Variants in ULK4 observed in about 807,000 individuals in gnomAD.
ULK4 encodes the protein inactive serine/threonine-protein kinase ULK4.
In ULK4, 133 loss-of-function variants were observed where a neutral mutation model predicts 160.6. The ratio of observed to expected loss-of-function variants is 0.83; its 90% CI spans 0.72 to 0.96. ULK4 has a LOEUF of 0.96. Ranked by LOEUF, ULK4 falls within the 40% of genes least tolerant of loss-of-function variation. ULK4 has a pLI of 0.00. For missense variants in ULK4, 1,580 were observed against 1,499.5 expected, an observed-to-expected ratio of 1.05 and a Z score of -0.89; for synonymous variants, 534 against 539.8, an observed-to-expected ratio of 0.99 and a Z score of 0.15.
intron 31 of ULK4, among the ~76,000 whole-genome samples, chr3:41,571,607 G>C (rs1190124551): frequency 2.0e-5 from 3 of 152,124 alleles, no homozygotes; most frequent in Non-Finnish European, 2.9e-5. Context: ...CTGGAAGACT[G>C]GTGGAAAGAG....
chr3:41,847,349 T>C (rs947651255), intron 17 of ULK4, among the ~76,000 whole-genome samples: 3 of 152,238 alleles, frequency 2.0e-5, no homozygotes, highest in Admixed American at 6.5e-5. Context: ...CAAAATATAG[T>C]TGTTAAACTT....
At chr3:41,606,193 C>A (rs1039222296) in intron 31 of ULK4, among the ~76,000 whole-genome samples, 1 of 151,562 alleles carries the variant, frequency 6.6e-6, no homozygotes, top group African/African-American at 2.4e-5. Flanking sequence ...AAGGAAAAGT[C>A]AGAATAAGAG....
rs1270883830 is a variant in ULK4 at position 41,279,266 on chromosome 3, A to AC, written c.3679-29693_3679-29692insG. Among the ~76,000 whole-genome samples the AC allele has an allele frequency of 4.0e-4, 58 of 143,970 alleles. 1 individual carries two copies. In the South Asian group the frequency reaches 0.01, roughly 25 times the overall value. The allele number at this position is 143,970 out of a possible 152,430, so 94.4% of individuals were successfully genotyped here. On this transcript the variant is annotated intron_variant, in intron 35 of 36. Transcript: ENST00000301831. ...AGAGAAAAAAAGAGTAAAAAAAAAA[A>AC]AAAAAAAAACAAAACGACAAAGCCT...
chr3:41,471,011 C>A (rs957241423), intron 32 of ULK4, among the ~76,000 whole-genome samples: 1 of 151,912 alleles, frequency 6.6e-6, no homozygotes, highest in Non-Finnish European at 1.5e-5. Context: ...AATTCTCCAA[C>A]AAAAAGACAT....
intron 17 of ULK4, among the ~76,000 whole-genome samples, chr3:41,872,820 G>A (rs998668457): frequency 6.6e-6 from 1 of 151,986 alleles, no homozygotes; most frequent in African/African-American, 2.4e-5. Flanking sequence ...AAAATTATAT[G>A]TAAGACTTTT....
At chr3:41,527,893 T>C (rs1021761134) in intron 32 of ULK4, among the ~76,000 whole-genome samples, 1 of 152,262 alleles carries the variant, frequency 6.6e-6, no homozygotes, top group Non-Finnish European at 1.5e-5. Context: ...AATAGTTTTA[T>C]AATATTTCCT....
At chr3:41,932,563 G>C (rs1413917501) in intron 4 of ULK4, among the ~76,000 whole-genome samples, 1 of 152,208 alleles carries the variant, frequency 6.6e-6, no homozygotes. Flanking sequence ...TCGAAGTTAT[G>C]CAAGTAAAGG....
chr3:41,869,777 A>G (rs1274528676), intron 17 of ULK4, among the ~76,000 whole-genome samples: 5 of 152,168 alleles, frequency 3.3e-5, no homozygotes, highest in African/African-American at 1.2e-4. Flanking sequence ...GTTATGAAAA[A>G]TTGTTTATTT....
At position 41,847,220 on chromosome 3, in the gene ULK4, A is replaced by G. The variant is rs557304981; in HGVS notation, c.1657-11249T>C. ...TCATATGCCCTGGACTGCAACTCTT[A>G]AGAAAAATACAGGAAGATGATGAAT... On this transcript the variant is annotated intron_variant, in intron 17 of 36. Transcript: ENST00000301831. 2.6e-5 allele frequency among the ~76,000 whole-genome samples: 4 copies of G among 152,296 alleles called. No homozygotes were observed. In the South Asian group the frequency reaches 8.3e-4, roughly 32 times the overall value.
At chr3:41,533,342 T>C (rs2086386588) in intron 32 of ULK4, among the ~76,000 whole-genome samples, 1 of 152,214 alleles carries the variant, frequency 6.6e-6, no homozygotes, top group African/African-American at 2.4e-5. Context: ...AATCCTTAGA[T>C]TTTCCCTTTT....
intron 17 of ULK4, among the ~76,000 whole-genome samples, chr3:41,838,348 T>C (rs1369741810): frequency 6.6e-6 from 1 of 152,086 alleles, no homozygotes; most frequent in Non-Finnish European, 1.5e-5. Context: ...TTCAAGATAA[T>C]TATATAAAAA....
chr3:41,560,659 CTGTT>C (rs1158705792), intron 32 of ULK4, among the ~76,000 whole-genome samples: 5 of 152,130 alleles, frequency 3.3e-5, no homozygotes, highest in Admixed American at 6.5e-5. Flanking sequence ...ATTTGGTTCT[CTGTT>C]TGTCTGTTAT....
chr3:41,588,773 ATCCAG>A (rs1304709214), intron 31 of ULK4, among the ~76,000 whole-genome samples: 1 of 152,244 alleles, frequency 6.6e-6, no homozygotes, highest in Admixed American at 6.5e-5. Context: ...CAAATTGGGC[ATCCAG>A]TCATTTAAAT....
At chr3:41,842,661 A>G (rs915060372) in intron 17 of ULK4, among the ~76,000 whole-genome samples, 1 of 152,214 alleles carries the variant, frequency 6.6e-6, no homozygotes, top group South Asian at 2.1e-4. Context: ...CCATGAGTGG[A>G]AACAGCCTGA....
intron 34 of ULK4, among the ~76,000 whole-genome samples, chr3:41,435,728 C>T (rs1408238250): frequency 6.6e-6 from 1 of 152,114 alleles, no homozygotes; most frequent in African/African-American, 2.4e-5. Flanking sequence ...GGGTGGATCA[C>T]CAGAGGTCAG....
chr3:41,859,370 G>C, intron 17 of ULK4: 1 of 582,152 alleles, frequency 1.7e-6, no homozygotes, highest in South Asian at 1.4e-5. Context: ...TGATGCTTCA[G>C]ATACCAGACG....
intron 17 of ULK4, among the ~76,000 whole-genome samples, chr3:41,876,079 G>C (rs1303269402): frequency 2.0e-5 from 3 of 151,796 alleles, no homozygotes; most frequent in Admixed American, 6.6e-5. Flanking sequence ...AAAAAAGCAA[G>C]CAGACAAATC....
intron 17 of ULK4, among the ~76,000 whole-genome samples, chr3:41,862,121 T>G (rs1209763430): frequency 6.6e-6 from 1 of 152,206 alleles, no homozygotes; most frequent in Non-Finnish European, 1.5e-5. Flanking sequence ...TATTTTCAAT[T>G]AGGCAGTCTT....
chr3:41,340,514 AAGGAATTAACT>A (rs2080659816), intron 35 of ULK4, among the ~76,000 whole-genome samples: 1 of 152,238 alleles, frequency 6.6e-6, no homozygotes, highest in African/African-American at 2.4e-5. Context: ...CTGGGCCAAA[AAGGAATTAACT>A]AGATCAGCAC....
Sources: allele counts gnomAD v4.1 joint callset (sites outside exome capture counted in the v4.1 genomes callset), GRCh38; gene constraint gnomAD v4.1.1; transcripts MANE v1.5; gene names NCBI Gene and HGNC (gene_info 2026-07-23, HGNC 2026-07-21).